Variants in ZNF484 observed in about 807,000 individuals in gnomAD.
ZNF484 encodes the protein zinc finger protein 484.
In ZNF484, 11 loss-of-function variants were observed where a neutral mutation model predicts 12.9. That is an observed-to-expected ratio of 0.85 (90% CI 0.54 to 1.41). The LOEUF (loss-of-function observed/expected upper bound fraction) is 1.41. Among genes scored for constraint, ZNF484 ranks in the 40% most tolerant of loss-of-function variants. The probability of loss-of-function intolerance (pLI) is 0.00; values close to 1 mark genes in which losing one functional copy is unlikely to be tolerated. For missense variants in ZNF484, 807 were observed against 1,007.7 expected, an observed-to-expected ratio of 0.80 and a Z score of 2.70; for synonymous variants, 289 against 334.1, an observed-to-expected ratio of 0.86 and a Z score of 1.47.
chr9:92,847,202 A>G lies in ZNF484; in HGVS notation c.1585T>C (p.Cys529Arg), dbSNP rs772719981. The G allele has an allele frequency of 8.5e-5, 138 of 1,614,056 alleles. 2 individuals carry two copies. The South Asian group carries it at 1.4e-3, about 16-fold the overall frequency. Residue 529 changes from cysteine (C) to arginine (R), a missense_variant, in exon 5 of 5, where the codon TGT becomes CGT. Cys to Arg is a radical substitution (Grantham distance 180, BLOSUM62 -3). Coordinates refer to ENST00000375495, the MANE Select transcript of ZNF484 (RefSeq NM_031486.4). ...TGEKPYKCSD[C>R]GKSFTWKSRL... ...GACTTCCAGGTGAATGATTTTCCAC[A>G]GTCGCTGCATTTATAAGGTTTCTCT...
At chr9:92,872,077 C>T (rs949108410) in intron 2 of ZNF484, among the ~76,000 whole-genome samples, 1 of 151,820 alleles carries the variant, frequency 6.6e-6, no homozygotes, top group Non-Finnish European at 1.5e-5. Context: ...CTAAAACATA[C>T]AAAATTAGCA....
intron 4 of ZNF484, among the ~76,000 whole-genome samples, chr9:92,855,228 C>T (rs1305212590): frequency 1.3e-5 from 2 of 152,042 alleles, no homozygotes; most frequent in African/African-American, 4.8e-5. Context: ...AAGATCAAGT[C>T]AGTGTTGCGT....
chr9:92,846,206 A>G lies in ZNF484; in HGVS notation c.*22T>C. 3 of 1,603,452 alleles carry G rather than the reference A, an allele frequency of 1.9e-6. No individual in the cohort carries two copies. The highest frequency in any genetic ancestry group is 2.6e-6 in the Non-Finnish European group (3 of 1,174,938). On this transcript the variant is annotated 3_prime_UTR_variant, in exon 5 of 5. Transcript: ENST00000375495. ...TGTGTAACTACACATCAGCTATATGATCCAGATGTTCATAATTCTAACTAG... is the reference window on the plus strand; with the variant it reads ...TGTGTAACTACACATCAGCTATATGGTCCAGATGTTCATAATTCTAACTAG...
chr9:92,849,596 G>A (rs1855936381), intron 4 of ZNF484, among the ~76,000 whole-genome samples: 1 of 151,932 alleles, frequency 6.6e-6, no homozygotes, highest in African/African-American at 2.4e-5. Flanking sequence ...GACCAGCCTG[G>A]GAAACATAGT....
chr9:92,849,315 T>C, intron 4 of ZNF484, among the ~76,000 whole-genome samples: 1 of 151,954 alleles, frequency 6.6e-6, no homozygotes, highest in Admixed American at 6.6e-5. Context: ...AGAGACTATA[T>C]AAATATAACA....
intron 3 of ZNF484, 71 bp from the exon 4 acceptor site, chr9:92,855,974 A>T (rs1856424342): frequency 1.3e-6 from 2 of 1,548,516 alleles, no homozygotes; most frequent in Non-Finnish European, 1.8e-6. Flanking sequence ...TTTTTCCCAA[A>T]AAAGTTCACT....
In ZNF484 at chr9:92,858,722, G is replaced by A. The variant is rs533768606; in HGVS notation, c.16-2404C>T. 6.6e-5 allele frequency among the ~76,000 whole-genome samples: 10 copies of A among 152,050 alleles called. No individual in the cohort carries two copies. In the South Asian group the frequency reaches 2.1e-3, roughly 32 times the overall value. The stretch of plus-strand genomic sequence containing the variant: ...TTCAAGATGAATGTTTTAATATCTG[G>A]GGTAACAAACAGTAAAAGAATTATA... On this transcript the variant is annotated intron_variant, in intron 2 of 4. Transcript: ENST00000375495.
intron 4 of ZNF484, among the ~76,000 whole-genome samples, chr9:92,851,447 T>G (rs1203050179): frequency 1.3e-5 from 2 of 152,270 alleles, no homozygotes; most frequent in Non-Finnish European, 2.9e-5. Flanking sequence ...CATACATTGA[T>G]GTATTGTCTA....
intron 2 of ZNF484, among the ~76,000 whole-genome samples, chr9:92,867,939 C>T (rs773463792): frequency 5.9e-5 from 9 of 152,154 alleles, no homozygotes; most frequent in African/African-American, 1.9e-4. Context: ...GTCTTAGAGA[C>T]GCCTAAATAA....
In ZNF484 at chr9:92,847,669, A is replaced by G. The variant is rs1049242968; in HGVS notation, c.1118T>C (p.Ile373Thr). 6.2e-6 allele frequency: 10 copies of G among 1,613,274 alleles called. No individual in the cohort carries two copies. Among genetic ancestry groups the G allele is most frequent in the Non-Finnish European group, 8.5e-6 (10 of 1,179,940 alleles). ...KNLPQNSNLN[I>T]HKKIHTGGKH... The stretch of plus-strand genomic sequence containing the variant: ...CCCTCCAGTATGAATTTTTTTATGT[A>G]TATTAAGGTTTGAATTCTGAGGGAG... The change falls in exon 5 of 5, where the codon ATA (isoleucine) becomes ACA (threonine). Residue 373 changes from isoleucine (I) to threonine (T), a missense_variant. Physicochemically the swap from Ile to Thr is moderately conservative, Grantham distance 89 (BLOSUM62 -1). Transcript: ENST00000375495.
chr9:92,845,957 G>A lies in ZNF484; in HGVS notation c.*271C>T. 4.7e-6 allele frequency: 2 copies of A among 425,598 alleles called. No homozygotes were observed. The highest frequency in any genetic ancestry group is 3.7e-5 in the South Asian group (1 of 26,948). The allele number at this position is 425,598 out of a possible 1,614,324, so 26.4% of individuals were successfully genotyped here. ...ATTATCTCATCATACTACTCATTATGAATTTTTGCGGGTCAATATTGAATA... is the reference window on the plus strand; with the variant it reads ...ATTATCTCATCATACTACTCATTATAAATTTTTGCGGGTCAATATTGAATA... On this transcript the variant is annotated 3_prime_UTR_variant, in exon 5 of 5. Coordinates refer to ENST00000375495, the MANE Select transcript of ZNF484 (RefSeq NM_031486.4). The surrounding 1 kb of genome is among the most constrained non-coding windows in gnomAD (Gnocchi z 4.0).
intron 2 of ZNF484, among the ~76,000 whole-genome samples, chr9:92,862,960 C>T (rs577598852): frequency 1.5e-4 from 23 of 152,138 alleles, no homozygotes; most frequent in Admixed American, 9.2e-4. Flanking sequence ...TAAAGATACA[C>T]GCATGCATAT....
intron 2 of ZNF484, among the ~76,000 whole-genome samples, chr9:92,873,119 C>T (rs1420825735): frequency 6.6e-6 from 1 of 152,078 alleles, no homozygotes; most frequent in African/African-American, 2.4e-5. Context: ...AGACAGGTGG[C>T]CTTACAGAGA....
At position 92,846,356 on chromosome 9, in the gene ZNF484, TC is replaced by T; in HGVS notation, c.2430del (p.Ala812ProfsTer2). On this transcript the variant is annotated frameshift_variant, in exon 5 of 5. Transcript: ENST00000375495. LOFTEE classifies it low-confidence loss of function (END_TRUNC). ...AGTTGTGGCTTCCAGTTTAAGGCTT[TC>T]CCCAAGTCACTGCACTTATAGGGTT... ...KQKPYKCSDL[G>X]KALNWKPQLS... The T allele has an allele frequency of 6.2e-7, 1 of 1,614,156 alleles. No homozygotes were observed. The highest frequency in any genetic ancestry group is 8.5e-7 in the Non-Finnish European group (1 of 1,180,004).
Position 92,845,327 on chromosome 9 carries a change from A to T in ZNF484, c.*901T>A, listed in dbSNP as rs1855520543. 1 of 152,228 alleles carries T rather than the reference A, an allele frequency of 6.6e-6. No homozygotes were observed. Among genetic ancestry groups the T allele is most frequent in the African/African-American group, 2.4e-5 (1 of 41,460 alleles). The allele number at this position is 152,228 out of a possible 1,614,324, so 9.4% of individuals were successfully genotyped here. A position where few individuals can be genotyped will look rare whatever the true frequency, so the allele number is the denominator to read the frequency against. On this transcript the variant is annotated 3_prime_UTR_variant, in exon 5 of 5. Transcript: ENST00000375495. The surrounding 1 kb of genome is among the most constrained non-coding windows in gnomAD (Gnocchi z 4.0). Reference sequence around the variant, plus strand: ...TTCAAATACAGAGAATTTGAAAAACAAAATTAATTAAGATTAGTTTGTAGA... The same window carrying T: ...TTCAAATACAGAGAATTTGAAAAACTAAATTAATTAAGATTAGTTTGTAGA...
intron 4 of ZNF484, among the ~76,000 whole-genome samples, chr9:92,854,948 CCAA>C: frequency 6.6e-6 from 1 of 152,078 alleles, no homozygotes; most frequent in Admixed American, 6.5e-5. Context: ...ATTAACAATG[CCAA>C]CAACTCAGAT....
chr9:92,877,428 A>G (rs1857887261), intron 1 of ZNF484, among the ~76,000 whole-genome samples: 1 of 151,622 alleles, frequency 6.6e-6, no homozygotes, highest in African/African-American at 2.4e-5. Flanking sequence ...ACTAGTCTGG[A>G]TATGAAAGAG....
chr9:92,861,948 A>C (rs1441430671), intron 2 of ZNF484, among the ~76,000 whole-genome samples: 1 of 152,218 alleles, frequency 6.6e-6, no homozygotes, highest in Non-Finnish European at 1.5e-5. Context: ...GAGAGAAATG[A>C]CACATTACAT....
chr9:92,850,099 C>T (rs62572367), intron 4 of ZNF484, among the ~76,000 whole-genome samples: 7,956 of 152,302 alleles, frequency 0.052, 250 homozygotes, highest in Middle Eastern at 0.065. Flanking sequence ...GCAAGCCCAG[C>T]CAAGACCCTG....
Sources: allele counts gnomAD v4.1 joint callset (sites outside exome capture counted in the v4.1 genomes callset), GRCh38; gene constraint gnomAD v4.1.1; non-coding constraint Gnocchi (gnomAD v3.1); transcripts MANE v1.5; gene names NCBI Gene and HGNC (gene_info 2026-07-23, HGNC 2026-07-21).